BRD1: variants seen among roughly 807,000 people sequenced by gnomAD.
BRD1 encodes bromodomain containing 1.
In BRD1, 24 loss-of-function variants were observed where a neutral mutation model predicts 107.7. The ratio of observed to expected loss-of-function variants is 0.22; its 90% CI spans 0.16 to 0.31. The LOEUF is 0.31. Among genes scored for constraint, BRD1 ranks in the 10% least tolerant of loss-of-function variants. BRD1 has a pLI of 1.00. For synonymous variants in BRD1, 744 were observed against 686.1 expected, an observed-to-expected ratio of 1.08 and a Z score of -1.32; for missense variants, 1,279 against 1,638.6, an observed-to-expected ratio of 0.78 and a Z score of 3.79.
In BRD1 at chr22:49,790,045, G is replaced by A. The variant is rs1417012570; in HGVS notation, c.2360-2158C>T. 2.6e-5 allele frequency among the ~76,000 whole-genome samples: 4 copies of A among 152,296 alleles called. No individual in the cohort carries two copies. In the South Asian group the frequency reaches 8.3e-4, roughly 32 times the overall value. ...TCCACATGCAGGCCGGGCTCCAGCC[G>A]CCAGCACGCAGGCTAAAGGATGCGT... On this transcript the variant is annotated intron_variant, in intron 7 of 12. Coordinates refer to ENST00000404760, the MANE Select transcript of BRD1 (RefSeq NM_001304808.3).
At chr22:49,797,302 G>C (rs999843060) in intron 6 of BRD1, among the ~76,000 whole-genome samples, 9 of 152,246 alleles carry the variant, frequency 5.9e-5, no homozygotes, top group African/African-American at 2.2e-4. Context: ...CGAAGTTAAA[G>C]GGCTGGAGGC....
chr22:49,777,144 C>T lies in BRD1; in HGVS notation c.3011G>A (p.Cys1004Tyr), dbSNP rs1477976359. The T allele has an allele frequency of 6.2e-7, 1 of 1,613,168 alleles. No homozygotes were observed. The highest frequency in any genetic ancestry group is 1.7e-5 in the Admixed American group (1 of 60,036). ...CACAAGAGCCGGTTTGCCCCGCCCA[C>T]ATTTGGGCGCATTAAAGCTTCGGGA... ...LCDSSFNAPK[C>Y]GRGKPALVRR... The change falls in exon 10 of 13, where the codon TGT becomes TAT. Residue 1004 changes from cysteine (C) to tyrosine (Y), a missense_variant. By Grantham distance (194) the Cys-to-Tyr change is radical. Coordinates refer to ENST00000404760, the MANE Select transcript of BRD1 (RefSeq NM_001304808.3).
Position 49,824,608 on chromosome 22 carries a change from G to A in BRD1, c.-14-277C>T, listed in dbSNP as rs1299815640. 7.9e-7 allele frequency: 1 copy of A among 1,261,998 alleles called. No individual in the cohort carries two copies. The highest frequency in any genetic ancestry group is 1.0e-6 in the Non-Finnish European group (1 of 994,494). The allele number at this position is 1,261,998 out of a possible 1,614,324, so 78.2% of individuals were successfully genotyped here. ...ACCACCACACACCAGTCCCCTCTCAGACCACACCAACAGGCTGCGGAGACC... is the reference window on the plus strand; with the variant it reads ...ACCACCACACACCAGTCCCCTCTCAAACCACACCAACAGGCTGCGGAGACC... On this transcript the variant is annotated intron_variant, in intron 1 of 12. Coordinates refer to ENST00000404760, the MANE Select transcript of BRD1 (RefSeq NM_001304808.3). This position sits in a 1 kb window ranked among gnomAD's most constrained non-coding sequence, Gnocchi z 5.9.
At chr22:49,814,573 C>T (rs930649537) in intron 2 of BRD1, among the ~76,000 whole-genome samples, 2 of 152,248 alleles carry the variant, frequency 1.3e-5, no homozygotes, top group African/African-American at 4.8e-5. Flanking sequence ...GACGCAGCCC[C>T]AGCAACAGGC....
At chr22:49,784,163 C>T (rs1180953260) in intron 8 of BRD1, among the ~76,000 whole-genome samples, 3 of 150,798 alleles carry the variant, frequency 2.0e-5, no homozygotes, top group East Asian at 3.9e-4. Context: ...CCCACACTCT[C>T]AAGCCCCAGC....
chr22:49,807,833 G>A (rs764642179), intron 2 of BRD1, among the ~76,000 whole-genome samples: 1 of 152,110 alleles, frequency 6.6e-6, no homozygotes, highest in South Asian at 2.1e-4. Flanking sequence ...TTCAAATCAC[G>A]TATCTGAAAT....
chr22:49,789,837 T>C (rs557912547), intron 7 of BRD1, among the ~76,000 whole-genome samples: 2 of 152,236 alleles, frequency 1.3e-5, no homozygotes, highest in African/African-American at 2.4e-5. Context: ...TCCCCAACCA[T>C]GGTCCACAAC....
chr22:49,805,330 C>G (rs2059720783), intron 2 of BRD1: 1 of 152,356 alleles, frequency 6.6e-6, no homozygotes. Flanking sequence ...AGACCCAGAA[C>G]TGACCGTGAG....
intron 2 of BRD1, among the ~76,000 whole-genome samples, chr22:49,805,053 C>A (rs1322993626): frequency 6.6e-6 from 1 of 152,154 alleles, no homozygotes; most frequent in East Asian, 1.9e-4. Flanking sequence ...CACTCAGACG[C>A]CATGGGAGAG....
chr22:49,824,215 G>C lies in BRD1; in HGVS notation c.103C>G (p.Gln35Glu). The part of the protein sequence containing the change: ...SPTRETLTYA[Q>E]AQRMVEIEIE... ...TCTATCTCTACCATCCTTTGAGCTT[G>C]AGCGTAGGTCAGCGTTTCTCGCGTA... The change falls in exon 2 of 13, where the codon CAA becomes GAA. Residue 35 changes from glutamine (Q) to glutamate (E), a missense_variant. Gln to Glu is a conservative substitution (Grantham distance 29). This residue lies in a region of BRD1 where 223 missense variants were observed against 263.5 expected (regional missense o/e 0.85). Transcript: ENST00000404760. The surrounding 1 kb of genome is among the most constrained non-coding windows in gnomAD (Gnocchi z 5.9). 1 of 1,613,994 alleles carries C rather than the reference G, an allele frequency of 6.2e-7. No homozygotes were observed. Among genetic ancestry groups the C allele is most frequent in the Non-Finnish European group, 8.5e-7 (1 of 1,180,036 alleles).
chr22:49,826,056 T>C, intron 1 of BRD1: 1 of 536,784 alleles, frequency 1.9e-6, no homozygotes, highest in Non-Finnish European at 2.4e-6. Context: ...CCTGCAGAGG[T>C]GACACCACAG....
At chr22:49,826,109 G>GT (rs1016879379) in intron 1 of BRD1, 12 of 944,826 alleles carry the variant, frequency 1.3e-5, no homozygotes, top group Non-Finnish European at 1.5e-5. Flanking sequence ...GCCGACACGC[G>GT]TCATTACTGA....
chr22:49,789,630 T>C (rs568965845), intron 7 of BRD1, among the ~76,000 whole-genome samples: 117 of 152,284 alleles, frequency 7.7e-4, no homozygotes, highest in Middle Eastern at 3.4e-3. Context: ...CCAGCAGAGA[T>C]GGAGCCTGAA....
At position 49,774,430 on chromosome 22, in the gene BRD1, A is replaced by G; in HGVS notation, c.3387-14T>C. 6.3e-7 allele frequency: 1 copy of G among 1,596,834 alleles called. No individual in the cohort carries two copies. The highest frequency in any genetic ancestry group is 1.7e-5 in the Admixed American group (1 of 58,334). ...GGAAGCCACTGCCTTTTTAAAAGGA[A>G]AAACAAGCGGAAAATCATTGCTTGC... On this transcript the variant is annotated splice_polypyrimidine_tract_variant and intron_variant, in intron 12 of 12. Coordinates refer to ENST00000404760, the MANE Select transcript of BRD1 (RefSeq NM_001304808.3).
In BRD1 at chr22:49,823,274, T is replaced by C. The variant is rs890092412; in HGVS notation, c.1044A>G (p.Thr348=). 4 of 1,614,188 alleles carry C rather than the reference T, an allele frequency of 2.5e-6. No homozygotes were observed. The highest frequency in any genetic ancestry group is 1.3e-5 in the African/African-American group (1 of 75,060). Reference sequence around the variant, plus strand: ...TCTGGGCACACGTCACATGGAATGCTGTGTAGCAGTTTGCTTTGTGGCACT... The same window carrying C: ...TCTGGGCACACGTCACATGGAATGCCGTGTAGCAGTTTGCTTTGTGGCACT... ...CIQCHKANCY[T]AFHVTCAQKA... is the part of the protein sequence containing the mutation. Residue 348 remains threonine (T), a synonymous_variant, in exon 2 of 13, where the codon ACA becomes ACG. Transcript: ENST00000404760.
chr22:49,803,434 C>T lies in BRD1; in HGVS notation c.1524+770G>A, dbSNP rs1383733942. 6.6e-6 allele frequency among the ~76,000 whole-genome samples: 1 copy of T among 152,250 alleles called. No homozygotes were observed. Among genetic ancestry groups the T allele is most frequent in the Non-Finnish European group, 1.5e-5 (1 of 68,044 alleles). On this transcript the variant is annotated intron_variant, in intron 3 of 12. Coordinates refer to ENST00000404760, the MANE Select transcript of BRD1 (RefSeq NM_001304808.3). This position sits in a 1 kb window ranked among gnomAD's most constrained non-coding sequence, Gnocchi z 4.4. ...CAGCTCTTCCAAAAGACCAGCGGCT[C>T]CTCACTAGGCAGCGTGGGCAGAGGG...
intron 2 of BRD1, among the ~76,000 whole-genome samples, chr22:49,820,024 G>C (rs978934488): frequency 5.3e-5 from 8 of 151,822 alleles, no homozygotes; most frequent in Non-Finnish European, 7.4e-5. Flanking sequence ...TAGCTACTCA[G>C]GAGGCTGAGG....
rs142945642 is a variant in BRD1, at chr22:49,826,087, T to C, written c.-15+1410A>G. The C allele has an allele frequency of 4.3e-4, 364 of 844,840 alleles. 2 individuals are homozygous for C. The African/African-American group carries it at 6.3e-3, about 15-fold the overall frequency. The allele number at this position is 844,840 out of a possible 1,614,324, so 52.3% of individuals were successfully genotyped here. ...CACAGCCTGCAGAGAGCGACCCTAG[T>C]GCACCCGGGACGCCGACACGCGTCA... On this transcript the variant is annotated intron_variant, in intron 1 of 12. Coordinates refer to ENST00000404760, the MANE Select transcript of BRD1 (RefSeq NM_001304808.3).
chr22:49,797,480 A>G (rs1406284368), intron 6 of BRD1, among the ~76,000 whole-genome samples: 1 of 152,220 alleles, frequency 6.6e-6, no homozygotes, highest in Non-Finnish European at 1.5e-5. Flanking sequence ...AAACGCAGCC[A>G]GTCTGAAGTG....
Sources: gnomAD v4.1 joint callset for allele counts (sites outside exome capture counted in the v4.1 genomes callset) on GRCh38, gnomAD v4.1.1 for gene constraint, gnomAD v4.1.1 regional missense constraint, Gnocchi (gnomAD v3.1) non-coding constraint, MANE v1.5 for transcripts, NCBI Gene and HGNC (gene_info 2026-07-23, HGNC 2026-07-21) for gene names.